Variants in GSTCD observed in about 807,000 individuals in gnomAD.
GSTCD encodes glutathione S-transferase C-terminal domain containing, also known as glutathione S-transferase C-terminal domain-containing protein.
Under a neutral mutation model 68.3 loss-of-function variants are expected in GSTCD, and 44 were observed. The ratio of observed to expected loss-of-function variants is 0.64; its 90% CI spans 0.51 to 0.83. The LOEUF is 0.83. Ranked by LOEUF, GSTCD falls within the 40% of genes least tolerant of loss-of-function variation. GSTCD has a pLI of 0.00. For synonymous variants in GSTCD, 273 were observed against 255.2 expected, an observed-to-expected ratio of 1.07 and a Z score of -0.67; for missense variants, 739 against 735.9, an observed-to-expected ratio of 1.00 and a Z score of -0.05.
intron 5 of GSTCD, among the ~76,000 whole-genome samples, chr4:105,821,851 G>T (rs1469824176): frequency 1.3e-5 from 2 of 151,720 alleles, no homozygotes; most frequent in Non-Finnish European, 2.9e-5. Flanking sequence ...GAATTATGAT[G>T]CTATAAATTT....
chr4:105,809,975 T>C (rs1234047380), intron 5 of GSTCD, among the ~76,000 whole-genome samples: 1 of 152,062 alleles, frequency 6.6e-6, no homozygotes, highest in Non-Finnish European at 1.5e-5. Flanking sequence ...GTAACAAATT[T>C]CTTAGATGCT....
intron 5 of GSTCD, among the ~76,000 whole-genome samples, chr4:105,736,280 T>G (rs2149217094): frequency 6.6e-6 from 1 of 152,302 alleles, no homozygotes; most frequent in African/African-American, 2.4e-5. Context: ...AGTTTTGTAA[T>G]TTTAGACTGT....
intron 3 of GSTCD, among the ~76,000 whole-genome samples, chr4:105,724,482 A>G (rs967474317): frequency 1.3e-5 from 2 of 151,458 alleles, no homozygotes; most frequent in East Asian, 3.9e-4. Flanking sequence ...TCTTTTTACT[A>G]TTTTCTTTAG....
At chr4:105,828,848 A>G (rs1444899932) in intron 8 of GSTCD, among the ~76,000 whole-genome samples, 1 of 152,068 alleles carries the variant, frequency 6.6e-6, no homozygotes, top group African/African-American at 2.4e-5. Context: ...TTATTTAGAG[A>G]CAAGATTCCT....
chr4:105,770,575 A>C (rs1224331779), intron 5 of GSTCD, among the ~76,000 whole-genome samples: 1 of 151,896 alleles, frequency 6.6e-6, no homozygotes. Flanking sequence ...CCCTGTGTCC[A>C]TGTGTTCTCA....
intron 5 of GSTCD, among the ~76,000 whole-genome samples, chr4:105,806,181 G>C (rs1196683002): frequency 6.6e-6 from 1 of 152,050 alleles, no homozygotes; most frequent in Non-Finnish European, 1.5e-5. Flanking sequence ...ATAAATATAA[G>C]AGTTTGCAGT....
intron 5 of GSTCD, among the ~76,000 whole-genome samples, chr4:105,735,252 C>T (rs898195241): frequency 4.6e-5 from 7 of 151,908 alleles, no homozygotes; most frequent in Middle Eastern, 3.2e-3. Context: ...CAGAGGGTTC[C>T]GCTGTGCCCT....
At chr4:105,781,309 C>T (rs1289241243) in intron 5 of GSTCD, among the ~76,000 whole-genome samples, 3 of 151,946 alleles carry the variant, frequency 2.0e-5, no homozygotes, top group Admixed American at 2.0e-4. Context: ...AATGCAGTGG[C>T]ACAATTATAG....
intron 8 of GSTCD, 23 bp from the exon 9 acceptor site, chr4:105,834,438 T>C (rs1401473861): frequency 6.2e-7 from 1 of 1,610,394 alleles, no homozygotes; most frequent in East Asian, 2.2e-5. Context: ...AACTTAGTGC[T>C]AAGGCCTGGT....
chr4:105,796,426 A>G (rs1183437151), intron 5 of GSTCD, among the ~76,000 whole-genome samples: 1 of 152,122 alleles, frequency 6.6e-6, no homozygotes, highest in Non-Finnish European at 1.5e-5. Context: ...GAATGTTGAT[A>G]TTCACTCTTA....
At chr4:105,719,800 A>G (rs1732804536) in intron 3 of GSTCD, among the ~76,000 whole-genome samples, 1 of 152,186 alleles carries the variant, frequency 6.6e-6, no homozygotes, top group Admixed American at 6.5e-5. Flanking sequence ...TATGACTTTT[A>G]ATGTGAAGTT....
intron 5 of GSTCD, among the ~76,000 whole-genome samples, chr4:105,743,665 T>TC (rs1733710572): frequency 6.9e-6 from 1 of 144,004 alleles, no homozygotes; most frequent in Non-Finnish European, 1.5e-5. Context: ...TTTTTTTTTT[T>TC]TTTTTTTTTT....
chr4:105,710,138 TTTC>T (rs982860733), intron 1 of GSTCD, among the ~76,000 whole-genome samples: 12 of 152,048 alleles, frequency 7.9e-5, no homozygotes, highest in African/African-American at 2.9e-4. Flanking sequence ...AGAATCATCA[TTTC>T]TTTTTATTTT....
At chr4:105,789,496 T>C (rs72673813) in intron 5 of GSTCD, among the ~76,000 whole-genome samples, 6,795 of 151,930 alleles carry the variant, frequency 0.045, 215 homozygotes, top group Middle Eastern at 0.13. Flanking sequence ...CAAGTACTGT[T>C]GGAATGAGGG....
At chr4:105,765,172 TAATA>T (rs974662848) in intron 5 of GSTCD, among the ~76,000 whole-genome samples, 18 of 152,182 alleles carry the variant, frequency 1.2e-4, no homozygotes, top group Non-Finnish European at 2.2e-4. Context: ...TTTTTAAATT[TAATA>T]AATTTAATCC....
intron 5 of GSTCD, among the ~76,000 whole-genome samples, chr4:105,781,566 T>G (rs1408061049): frequency 1.3e-5 from 2 of 152,116 alleles, no homozygotes; most frequent in African/African-American, 4.8e-5. Context: ...TAATTTTCCT[T>G]TCTTTAGAAA....
At chr4:105,793,066 T>C (rs1308886396) in intron 5 of GSTCD, among the ~76,000 whole-genome samples, 1 of 152,044 alleles carries the variant, frequency 6.6e-6, no homozygotes, top group African/African-American at 2.4e-5. Flanking sequence ...GTCAAGCTTA[T>C]AAAAGTCTCA....
intron 5 of GSTCD, among the ~76,000 whole-genome samples, chr4:105,740,208 G>A (rs995727327): frequency 1.3e-5 from 2 of 152,014 alleles, no homozygotes; most frequent in African/African-American, 4.8e-5. Flanking sequence ...TGACAGCTAT[G>A]CGGACTACAG....
At chr4:105,760,365 G>A (rs1011744284) in intron 5 of GSTCD, among the ~76,000 whole-genome samples, 3 of 152,226 alleles carry the variant, frequency 2.0e-5, no homozygotes, top group African/African-American at 7.2e-5. Flanking sequence ...TGGAATAGAT[G>A]CCTTTTATAA....
Sources: allele counts gnomAD v4.1 joint callset (sites outside exome capture counted in the v4.1 genomes callset), GRCh38; gene constraint gnomAD v4.1.1; transcripts MANE v1.5; gene names NCBI Gene and HGNC (gene_info 2026-07-23, HGNC 2026-07-21).